IST1: variants seen among roughly 807,000 people sequenced by gnomAD.
IST1 encodes the protein IST1 homolog.
Under a neutral mutation model 37.0 loss-of-function variants are expected in IST1, and 23 were observed. That is an observed-to-expected ratio of 0.62 (90% confidence interval 0.45 to 0.88). The LOEUF (loss-of-function observed/expected upper bound fraction) is 0.88. Ranked by LOEUF, IST1 falls within the 40% of genes least tolerant of loss-of-function variation. IST1 has a pLI of 0.00. For synonymous variants in IST1, 180 were observed against 161.7 expected (o/e 1.11, Z -0.86); for missense variants, 488 against 445.4 (o/e 1.10, Z -0.86).
rs367809107 is a variant in IST1, at chr16:71,919,153, G to C, written c.358-1586G>C. 3.0e-3 allele frequency among the ~76,000 whole-genome samples: 464 copies of C among 152,278 alleles called. 3 individuals carry two copies. Among genetic ancestry groups the C allele is most frequent in the African/African-American group, 0.011 (444 of 41,546 alleles). The stretch of plus-strand genomic sequence containing the variant: ...CTTTAAAGCCCATTAGTAGCTTTCT[G>C]TTGCTCTTGTGATAGAAACAAAACT... On this transcript the variant is annotated intron_variant, in intron 4 of 9. Coordinates refer to ENST00000378799, the MANE Select transcript of IST1 (RefSeq NM_001270975.2).
At chr16:71,895,491 C>T (rs772913947), upstream of IST1, 1 of 985,388 alleles carries the variant, frequency 1.0e-6, no homozygotes, top group East Asian at 1.1e-4. Context: ...CCGTGGATCC[C>T]TCCGCCCGCG....
intron 1 of IST1, among the ~76,000 whole-genome samples, chr16:71,900,758 C>G (rs2037090280): frequency 1.3e-5 from 2 of 152,038 alleles, no homozygotes; most frequent in South Asian, 4.2e-4. Flanking sequence ...TAATTGCTTA[C>G]TTGTCTTATA....
At chr16:71,897,998 A>G (rs1455800248) in intron 1 of IST1, among the ~76,000 whole-genome samples, 1 of 152,190 alleles carries the variant, frequency 6.6e-6, no homozygotes, top group Non-Finnish European at 1.5e-5. Flanking sequence ...GTTTACTACA[A>G]GGTTTTAGAC....
chr16:71,919,016 G>C (rs2037523861), intron 4 of IST1, among the ~76,000 whole-genome samples: 1 of 151,952 alleles, frequency 6.6e-6, no homozygotes, highest in Non-Finnish European at 1.5e-5. Flanking sequence ...GTAGCTTCTT[G>C]AATATTCTTC....
Position 71,895,672 on chromosome 16 carries a change from T to C in IST1, c.-16+83T>C, listed in dbSNP as rs1048734768. 1.5e-4 allele frequency: 79 copies of C among 513,868 alleles called. No individual in the cohort carries two copies. In the African/African-American group the frequency reaches 1.6e-3, roughly 10 times the overall value. The allele number at this position is 513,868 out of a possible 1,614,324, so 31.8% of individuals were successfully genotyped here. The stretch of plus-strand genomic sequence containing the variant: ...TGATTTAGCGGTCTCTAGTTAGCGC[T>C]AGGGCCCGGGATTCAAACGACTTCG... On this transcript the variant is annotated intron_variant, in intron 1 of 9. Transcript: ENST00000378799.
At position 71,913,007 on chromosome 16, in the gene IST1, T is replaced by C. The variant is rs537895782; in HGVS notation, c.-15-2619T>C. ...TTTTGTTTATCCATGAATCCCTCAG[T>C]GGCCATTTGGGTTGCCTCCACCTCT... On this transcript the variant is annotated intron_variant, in intron 1 of 9. Transcript: ENST00000378799. Among the ~76,000 whole-genome samples, 22 of 152,362 alleles carry C rather than the reference T, an allele frequency of 1.4e-4. No homozygotes were observed. In the South Asian group the frequency reaches 4.6e-3, roughly 32 times the overall value.
Position 71,927,696 on chromosome 16 carries a change from G to A in IST1, c.984G>A (p.Leu328=), listed in dbSNP as rs2037781904. 1 of 1,613,830 alleles carries A rather than the reference G, an allele frequency of 6.2e-7. No individual in the cohort carries two copies. The highest frequency in any genetic ancestry group is 8.5e-7 in the Non-Finnish European group (1 of 1,179,758). Reference sequence around the variant, plus strand: ...ATGACAACTTTGTCCTACCAGAGTTGCCATCTGTGCCAGACACACTACCAA... The same window carrying A: ...ATGACAACTTTGTCCTACCAGAGTTACCATCTGTGCCAGACACACTACCAA... ...DNYDNFVLPE[L]PSVPDTLPTA... Residue 328 remains leucine, a synonymous_variant, in exon 10 of 10, where the codon TTG becomes TTA. Transcript: ENST00000378799.
intron 8 of IST1, chr16:71,924,157 C>T (rs2037680975): frequency 2.2e-6 from 1 of 455,936 alleles, no homozygotes. Flanking sequence ...ACATAACCCA[C>T]AGCCGTTGGT....
chr16:71,914,915 T>G (rs1231031661), intron 1 of IST1, among the ~76,000 whole-genome samples: 1 of 152,196 alleles, frequency 6.6e-6, no homozygotes, highest in Non-Finnish European at 1.5e-5. Context: ...TACCCTAAAG[T>G]CTTGCGGGTA....
At chr16:71,927,011 C>A (rs1055870131) in intron 9 of IST1, among the ~76,000 whole-genome samples, 2 of 152,170 alleles carry the variant, frequency 1.3e-5, no homozygotes, top group African/African-American at 4.8e-5. Flanking sequence ...CCTATTATCA[C>A]TCCTTGGACT....
chr16:71,925,200 A>G (rs1383075832), intron 9 of IST1, among the ~76,000 whole-genome samples: 1 of 151,508 alleles, frequency 6.6e-6, no homozygotes, highest in African/African-American at 2.4e-5. Context: ...TTTTTAGTAG[A>G]GACGGGGTTT....
At chr16:71,924,083 A>T in intron 8 of IST1, 1 of 455,002 alleles carries the variant, frequency 2.2e-6, no homozygotes, top group Non-Finnish European at 4.4e-6. Context: ...TTTGGTTCCC[A>T]TCTGTAGCTG....
At position 71,920,724 on chromosome 16, in the gene IST1, C is replaced by T. The variant is rs1211854542; in HGVS notation, c.358-15C>T. On this transcript the variant is annotated splice_polypyrimidine_tract_variant and intron_variant, in intron 4 of 9. Transcript: ENST00000378799. ...AGTGGTCTCTATTTTTATTTGCTGT[C>T]CTTTTTCTTTTTAGGTTGCTGATCA... 11 of 1,604,152 alleles carry T rather than the reference C, an allele frequency of 6.9e-6. No individual in the cohort carries two copies. The highest frequency in any genetic ancestry group is 8.5e-6 in the Non-Finnish European group (10 of 1,171,076).
chr16:71,894,699 T>TTA, upstream of IST1: 1 of 153,856 alleles, frequency 6.5e-6, no homozygotes. Context: ...AATTTTTAAC[T>TTA]TTTTTTTTTT....
chr16:71,898,681 A>T (rs112189381), intron 1 of IST1, among the ~76,000 whole-genome samples: 1,703 of 150,934 alleles, frequency 0.011, 15 homozygotes, highest in Non-Finnish European at 0.017. Flanking sequence ...AAAAAAAACA[A>T]AAAAGGAAAC....
At chr16:71,922,706 A>T (rs763646425) in intron 7 of IST1, 26 bp downstream of exon 7, 5 of 862,634 alleles carry the variant, frequency 5.8e-6, no homozygotes, top group Non-Finnish European at 7.9e-6. Flanking sequence ...TGTGGATGTA[A>T]GCTTTAGAAA....
intron 1 of IST1, among the ~76,000 whole-genome samples, chr16:71,907,919 T>G (rs1259348835): frequency 1.3e-5 from 2 of 151,730 alleles, no homozygotes; most frequent in Admixed American, 1.3e-4. Flanking sequence ...GAAGCAAGGA[T>G]TAGTTCTGAG....
At chr16:71,905,452 C>T (rs938936016) in intron 1 of IST1, among the ~76,000 whole-genome samples, 3 of 151,854 alleles carry the variant, frequency 2.0e-5, no homozygotes, top group African/African-American at 4.8e-5. Flanking sequence ...CATGTCAGCT[C>T]ACTGCAACCT....
At position 71,929,788 on chromosome 16, in the gene IST1, A is replaced by G. The variant is rs2042412; in HGVS notation, c.*1975A>G. The stretch of plus-strand genomic sequence containing the variant: ...AAAAATTAGTAAATGTAAAGATACT[A>G]TTTCTTTAATAATTTGCAGTCAGGC... On this transcript the variant is annotated 3_prime_UTR_variant, in exon 10 of 10. Coordinates refer to ENST00000378799, the MANE Select transcript of IST1 (RefSeq NM_001270975.2). 978 of 1,143,238 alleles carry G rather than the reference A, an allele frequency of 8.6e-4. 24 individuals carry two copies. In the Admixed American group the frequency reaches 0.021, roughly 24 times the overall value. 70.8% of individuals were successfully genotyped at this position (1,143,238 alleles called of 1,614,324 possible).
Sources: gnomAD v4.1 joint callset for allele counts (sites outside exome capture counted in the v4.1 genomes callset) on GRCh38, gnomAD v4.1.1 for gene constraint, MANE v1.5 for transcripts, NCBI Gene and HGNC (gene_info 2026-07-23, HGNC 2026-07-21) for gene names.